ISOC2: variants seen among roughly 807,000 people sequenced by gnomAD.
ISOC2 encodes the protein isochorismatase domain containing 2.
ISOC2 carries 15 observed loss-of-function variants against 19.3 expected under a neutral mutation model. The ratio of observed to expected loss-of-function variants is 0.78; its 90% CI spans 0.52 to 1.20. The LOEUF is 1.20. Ranked by LOEUF, ISOC2 falls within the 50% of genes most tolerant of loss-of-function variation. The pLI is 0.00. For missense variants in ISOC2, 285 were observed against 272.4 expected (o/e 1.05, Z -0.33); for synonymous variants, 106 against 115.8 (o/e 0.92, Z 0.54).
At chr19:55,455,234 AC>A (rs1396279722) in intron 4 of ISOC2, 25 bp downstream of exon 4, 1 of 1,592,302 alleles carries the variant, frequency 6.3e-7, no homozygotes, top group African/African-American at 1.3e-5. Flanking sequence ...CCCCACGTGC[AC>A]CCACCCAGGC....
chr19:55,458,684 T>C (rs961869537), intron 1 of ISOC2, among the ~76,000 whole-genome samples: 9 of 151,746 alleles, frequency 5.9e-5, no homozygotes, highest in East Asian at 1.9e-4. Flanking sequence ...TGTGCCACCA[T>C]GCCTGGCTAA....
At chr19:55,454,721 C>T in intron 5 of ISOC2, 3 of 513,268 alleles carry the variant, frequency 5.8e-6, no homozygotes, top group Non-Finnish European at 1.1e-5. Flanking sequence ...TCCAGGATGC[C>T]CCCCAGACCC....
At position 55,453,339 on chromosome 19, in the gene ISOC2, A is replaced by C. The variant is rs748675383; in HGVS notation, c.587T>G (p.Leu196Arg). 1 of 1,608,132 alleles carries C rather than the reference A, an allele frequency of 6.2e-7. No homozygotes were observed. The highest frequency in any genetic ancestry group is 1.1e-5 in the South Asian group (1 of 89,926). ...GAGGAGGGAGTTCTGGCCTTGGAAG[A>C]GGCCCAGCAGTCCGCTGTCTGGGGC... ...EPAPDSGLLG[L>R]FQGQNSLLH Residue 196 changes from leucine to arginine, a missense_variant, in exon 6 of 6, where the codon CTC becomes CGC. Physicochemically the swap from Leu to Arg is moderately radical, Grantham distance 102. Coordinates refer to ENST00000425675, the MANE Select transcript of ISOC2 (RefSeq NM_001136201.2).
intron 1 of ISOC2, among the ~76,000 whole-genome samples, chr19:55,457,701 G>A (rs540386287): frequency 6.6e-6 from 1 of 151,914 alleles, no homozygotes; most frequent in South Asian, 2.1e-4. Flanking sequence ...ACGGTGGCAC[G>A]CACCTGTTGT....
intron 5 of ISOC2, chr19:55,454,297 C>G (rs1985973514): frequency 6.6e-6 from 1 of 152,662 alleles, no homozygotes; most frequent in African/African-American, 2.4e-5. Context: ...AGCTGGGGGT[C>G]ACAATGTGTC....
At chr19:55,459,251 C>G (rs1212155406) in intron 1 of ISOC2, among the ~76,000 whole-genome samples, 1 of 152,172 alleles carries the variant, frequency 6.6e-6, no homozygotes, top group Non-Finnish European at 1.5e-5. Flanking sequence ...ATTCTTTGAA[C>G]ATAATCCATC....
chr19:55,453,592 C>T, intron 5 of ISOC2: 1 of 438,682 alleles, frequency 2.3e-6, no homozygotes, highest in Non-Finnish European at 4.0e-6. Flanking sequence ...TGCCTGCCAT[C>T]TTGGTGTGCT....
In ISOC2 at chr19:55,453,199, G is replaced by A. The variant is rs962852071; in HGVS notation, c.*109C>T. 4.3e-6 allele frequency: 3 copies of A among 694,478 alleles called. No individual in the cohort carries two copies. The highest frequency in any genetic ancestry group is 6.9e-6 in the Non-Finnish European group (3 of 434,180). The allele number at this position is 694,478 out of a possible 1,614,324, so 43.0% of individuals were successfully genotyped here. ...ACCCTGCCCCCCCCACAAGGGGGCG[G>A]CACTCCTGGTGGATCGCACCACTCT... On this transcript the variant is annotated 3_prime_UTR_variant, in exon 6 of 6. Transcript: ENST00000425675.
chr19:55,455,428 G>A, intron 3 of ISOC2, 98 bp from the exon 4 acceptor site: 1 of 1,486,140 alleles, frequency 6.7e-7, no homozygotes, highest in East Asian at 2.3e-5. Flanking sequence ...CCCAGAATGG[G>A]GAGGAGGGAG....
At chr19:55,460,873 A>G (rs939757398) in intron 1 of ISOC2, among the ~76,000 whole-genome samples, 2 of 152,114 alleles carry the variant, frequency 1.3e-5, no homozygotes, top group African/African-American at 4.8e-5. Flanking sequence ...GGGACAGGGG[A>G]GAGTCAGGAA....
intron 4 of ISOC2, 21 bp downstream of exon 4, chr19:55,455,239 C>T: frequency 1.3e-6 from 2 of 1,598,702 alleles, no homozygotes; most frequent in Non-Finnish European, 1.7e-6. Context: ...CGTGCACCCA[C>T]CCAGGCAGGG....
intron 1 of ISOC2, among the ~76,000 whole-genome samples, chr19:55,461,131 A>C (rs1474868204): frequency 1.4e-5 from 2 of 142,304 alleles, no homozygotes; most frequent in Non-Finnish European, 3.1e-5. Flanking sequence ...CCAAGGCCAA[A>C]GGGGGCGTGG....
intron 1 of ISOC2, among the ~76,000 whole-genome samples, chr19:55,460,500 T>C (rs1986198727): frequency 6.6e-6 from 1 of 152,150 alleles, no homozygotes; most frequent in South Asian, 2.1e-4. Flanking sequence ...AGTTGTCTAG[T>C]CAATACTATA....
intron 1 of ISOC2, 91 bp downstream of exon 1, chr19:55,461,421 G>GC (rs1986235367): frequency 6.6e-6 from 1 of 152,284 alleles, no homozygotes; most frequent in Non-Finnish European, 1.5e-5. Flanking sequence ...TGTGACCTTG[G>GC]CCCGGGACGC....
Position 55,455,724 on chromosome 19 carries a change from A to G in ISOC2, c.260T>C (p.Met87Thr). Residue 87 changes from methionine to threonine, a missense_variant, in exon 3 of 6, where the codon ATG becomes ACG. Met to Thr is a moderately conservative substitution (Grantham distance 81). Coordinates refer to ENST00000425675, the MANE Select transcript of ISOC2 (RefSeq NM_001136201.2). ...CAGCTCCTGCTGCAGGGCAGGCACC[A>G]TGCTGAAGCAGGTCTTGGCCAGCGG... ...LRPLAKTCFS[M>T]VPALQQELDS... 1 of 1,610,338 alleles carries G rather than the reference A, an allele frequency of 6.2e-7. No individual in the cohort carries two copies. Among genetic ancestry groups the G allele is most frequent in the Non-Finnish European group, 8.5e-7 (1 of 1,178,944 alleles).
intron 1 of ISOC2, chr19:55,459,843 GTC>G: frequency 6.6e-6 from 1 of 152,454 alleles, no homozygotes; most frequent in East Asian, 1.9e-4. Flanking sequence ...GGGCCCTGGA[GTC>G]TCTCTGCTGA....
chr19:55,461,147 G>A (rs751079865), intron 1 of ISOC2, among the ~76,000 whole-genome samples: 3 of 152,142 alleles, frequency 2.0e-5, no homozygotes, highest in Non-Finnish European at 2.9e-5. Flanking sequence ...CGTGGCTGGA[G>A]GTGGGCGGCA....
At chr19:55,458,060 A>T (rs1351766039) in intron 1 of ISOC2, among the ~76,000 whole-genome samples, 3 of 26,110 alleles carry the variant, frequency 1.1e-4, no homozygotes, top group Non-Finnish European at 2.1e-4. Context: ...TACCACAATT[A>T]AAAAAAAAAA....
chr19:55,453,179 G>GT lies in ISOC2; in HGVS notation c.*128_*129insA. ...CTGTCCAATGGGAAGGCAGCACCCTGCCCCCCCCACAAGGGGGCGGCACTC... is the reference window on the plus strand; with the variant it reads ...CTGTCCAATGGGAAGGCAGCACCCTGTCCCCCCCCACAAGGGGGCGGCACTC... On this transcript the variant is annotated 3_prime_UTR_variant, in exon 6 of 6. Transcript: ENST00000425675. The GT allele has an allele frequency of 3.7e-6, 2 of 539,528 alleles. No individual in the cohort carries two copies. The highest frequency in any genetic ancestry group is 6.5e-6 in the Non-Finnish European group (2 of 309,318). The allele number at this position is 539,528 out of a possible 1,614,324, so 33.4% of individuals were successfully genotyped here. A position where few individuals can be genotyped will look rare whatever the true frequency, so the allele number is the denominator to read the frequency against.
Sources: allele counts gnomAD v4.1 joint callset (sites outside exome capture counted in the v4.1 genomes callset), GRCh38; gene constraint gnomAD v4.1.1; transcripts MANE v1.5; gene names NCBI Gene and HGNC (gene_info 2026-07-23, HGNC 2026-07-21).